Variants in RPH3AL observed in about 807,000 individuals in gnomAD.
RPH3AL encodes the protein rabphilin 3A like (without C2 domains), also known as rab effector Noc2.
A neutral mutation model predicts 43.1 loss-of-function variants in RPH3AL; 38 were observed. The observed-to-expected ratio is 0.88, with a 90% confidence interval of 0.68 to 1.15. The LOEUF (loss-of-function observed/expected upper bound fraction) is 1.15. Among genes scored for constraint, RPH3AL ranks in the 50% most tolerant of loss-of-function variants. The pLI is 0.00. For synonymous variants in RPH3AL, 189 were observed against 176.3 expected, an observed-to-expected ratio of 1.07 and a Z score of -0.57; for missense variants, 462 against 423.2, an observed-to-expected ratio of 1.09 and a Z score of -0.81.
chr17:348,686 C>T (rs2045294279), intron 1 of RPH3AL, among the ~76,000 whole-genome samples: 1 of 152,144 alleles, frequency 6.6e-6, no homozygotes, highest in African/African-American at 2.4e-5. Context: ...TTATACCCTC[C>T]CGAATGCTTT....
chr17:276,463 C>G (rs917422622), intron 6 of RPH3AL, among the ~76,000 whole-genome samples: 2 of 152,212 alleles, frequency 1.3e-5, no homozygotes, highest in Non-Finnish European at 2.9e-5. Flanking sequence ...ACGATCTCAG[C>G]CCACTGCCAC....
chr17:325,747 G>C (rs1265236351), intron 3 of RPH3AL, among the ~76,000 whole-genome samples: 1 of 152,206 alleles, frequency 6.6e-6, no homozygotes, highest in African/African-American at 2.4e-5. Flanking sequence ...CTGCTGTGCA[G>C]TCAGTGCCTG....
Position 215,741 on chromosome 17 carries a change from G to C in RPH3AL, c.789C>G (p.Cys263Trp). 6.1e-6 allele frequency: 8 copies of C among 1,307,704 alleles called. No individual in the cohort carries two copies. Among genetic ancestry groups the C allele is most frequent in the Non-Finnish European group, 6.8e-6 (7 of 1,024,946 alleles). 81.0% of individuals were successfully genotyped at this position (1,307,704 alleles called of 1,614,324 possible). Residue 263 changes from cysteine to tryptophan, a missense_variant, in exon 9 of 10, where the codon TGC (cysteine) becomes TGG (tryptophan). Physicochemically the swap from Cys to Trp is radical, Grantham distance 215 (BLOSUM62 -2). Coordinates refer to ENST00000331302, the MANE Select transcript of RPH3AL (RefSeq NM_006987.4). This position sits in a 1 kb window ranked among gnomAD's most constrained non-coding sequence, Gnocchi z 4.1. ...TCTCACCACTGGCCAGGCTGCTCTGGCACCCAGAGAGGTGGCCCGGCGGGT... is the reference window on the plus strand; with the variant it reads ...TCTCACCACTGGCCAGGCTGCTCTGCCACCCAGAGAGGTGGCCCGGCGGGT... The part of the protein sequence containing the change: ...FTHPPGHLSG[C>W]QSSLASGETG...
chr17:310,389 C>CGT (rs2043614053), intron 5 of RPH3AL, among the ~76,000 whole-genome samples: 1 of 152,172 alleles, frequency 6.6e-6, no homozygotes, highest in African/African-American at 2.4e-5. Flanking sequence ...GCTGGGGGCG[C>CGT]GTGTGTGTGC....
chr17:259,526 G>T (rs1555545600), intron 6 of RPH3AL, among the ~76,000 whole-genome samples: 1 of 152,142 alleles, frequency 6.6e-6, no homozygotes, highest in Non-Finnish European at 1.5e-5. Flanking sequence ...AATAGTGGCA[G>T]GAAAAGCCCT....
At chr17:242,572 C>A (rs201609020) in intron 7 of RPH3AL, among the ~76,000 whole-genome samples, 2 of 45,262 alleles carry the variant, frequency 4.4e-5, no homozygotes, top group Non-Finnish European at 8.4e-5. Flanking sequence ...CCTCTATTGA[C>A]TACCTTCCTC....
intron 7 of RPH3AL, among the ~76,000 whole-genome samples, chr17:241,476 G>A (rs2151530263): frequency 6.6e-6 from 1 of 152,298 alleles, no homozygotes; most frequent in South Asian, 2.1e-4. Context: ...ACTATATTGT[G>A]AGATTTTACT....
chr17:249,908 C>G (rs963949443), intron 6 of RPH3AL, among the ~76,000 whole-genome samples: 3 of 149,546 alleles, frequency 2.0e-5, no homozygotes, highest in Non-Finnish European at 3.0e-5. Context: ...TGTGGGACCT[C>G]TCAGAGCCTT....
rs545757269 is a variant in RPH3AL, at chr17:274,221, C to T, written c.438+7547G>A. The stretch of plus-strand genomic sequence containing the variant: ...CCATGAAAGCACGTGGAAAAGGCAC[C>T]GCGAAACCCCAGCCCGGGGCCTCTG... On this transcript the variant is annotated intron_variant, in intron 6 of 9. Transcript: ENST00000331302. The surrounding 1 kb of genome is among the most constrained non-coding windows in gnomAD (Gnocchi z 4.7). Among the ~76,000 whole-genome samples the T allele has an allele frequency of 3.9e-5, 6 of 152,340 alleles. No individual in the cohort carries two copies. Among genetic ancestry groups the T allele is most frequent in the African/African-American group, 1.4e-4 (6 of 41,586 alleles).
At chr17:269,137 T>C (rs540193899) in intron 6 of RPH3AL, among the ~76,000 whole-genome samples, 55 of 152,250 alleles carry the variant, frequency 3.6e-4, no homozygotes, top group East Asian at 1.2e-3. Flanking sequence ...CTTGGCTTCC[T>C]AAAGTGCTGG....
chr17:223,290 G>T (rs1332274388), intron 7 of RPH3AL, among the ~76,000 whole-genome samples: 1 of 152,022 alleles, frequency 6.6e-6, no homozygotes, highest in African/African-American at 2.4e-5. Context: ...ATTTAATTAA[G>T]TGATATCATT....
At chr17:222,226 A>G (rs1289116094) in intron 7 of RPH3AL, among the ~76,000 whole-genome samples, 1 of 152,270 alleles carries the variant, frequency 6.6e-6, no homozygotes, top group Non-Finnish European at 1.5e-5. Flanking sequence ...GAGGTAGGAA[A>G]CAGCATTACC....
rs373685963 is a variant in RPH3AL, at chr17:260,537, C to T, written c.439-13252G>A. Among the ~76,000 whole-genome samples the T allele has an allele frequency of 6.6e-4, 101 of 152,332 alleles. No homozygotes were observed. The South Asian group carries it at 0.02, about 31-fold the overall frequency. On this transcript the variant is annotated intron_variant, in intron 6 of 9. Coordinates refer to ENST00000331302, the MANE Select transcript of RPH3AL (RefSeq NM_006987.4). ...CCTCGCCTTCAAGGGAGACTGCGTT[C>T]TGTCTGCCTAACAAGCTCCAGACTG...
intron 9 of RPH3AL, chr17:214,612 A>G (rs550232079): frequency 6.6e-6 from 1 of 152,392 alleles, no homozygotes; most frequent in Admixed American, 6.5e-5. Context: ...TGAAAAATAC[A>G]AAAAATAATT....
rs181366110 is a variant in RPH3AL, at chr17:320,283, G to A, written c.222-734C>T. On this transcript the variant is annotated intron_variant, in intron 4 of 9. Coordinates refer to ENST00000331302, the MANE Select transcript of RPH3AL (RefSeq NM_006987.4). ...TTCCATGGGACCAGCGAAGGCTCTC[G>A]GAGAACACGTGGACTCACAGCTGAA... Among the ~76,000 whole-genome samples, 28 of 150,252 alleles carry A rather than the reference G, an allele frequency of 1.9e-4. No individual in the cohort carries two copies. The East Asian group carries it at 3.3e-3, about 18-fold the overall frequency.
intron 7 of RPH3AL, among the ~76,000 whole-genome samples, chr17:241,721 C>CCT (rs2041540592): frequency 7.5e-6 from 1 of 134,010 alleles, no homozygotes; most frequent in African/African-American, 2.8e-5. Flanking sequence ...CTTTTTTTTT[C>CCT]TTTTTTTTTT....
intron 6 of RPH3AL, among the ~76,000 whole-genome samples, chr17:260,004 C>G (rs1409361857): frequency 6.6e-6 from 1 of 152,166 alleles, no homozygotes; most frequent in Non-Finnish European, 1.5e-5. Context: ...GACAGGGGAG[C>G]CTGAAGACCC....
At chr17:294,701 G>A (rs2043130946) in intron 5 of RPH3AL, among the ~76,000 whole-genome samples, 1 of 61,586 alleles carries the variant, frequency 1.6e-5, no homozygotes, top group African/African-American at 6.2e-5. Context: ...GACGGGCAGA[G>A]GGAATGCACA....
rs2041774015 is a variant in RPH3AL at position 246,737 on chromosome 17, G to C, written c.613+374C>G. ...CGAGACACAAGGCAAGTGCCAGGAAGAGATGGTGAGGGCCTGCCTGGGAAA... is the reference window on the plus strand; with the variant it reads ...CGAGACACAAGGCAAGTGCCAGGAACAGATGGTGAGGGCCTGCCTGGGAAA... On this transcript the variant is annotated intron_variant, in intron 7 of 9. Transcript: ENST00000331302. This position sits in a 1 kb window ranked among gnomAD's most constrained non-coding sequence, Gnocchi z 4.8. Among the ~76,000 whole-genome samples the C allele has an allele frequency of 6.6e-6, 1 of 152,194 alleles. No homozygotes were observed. The highest frequency in any genetic ancestry group is 2.1e-4 in the South Asian group (1 of 4,832).
Sources: gnomAD v4.1 joint callset for allele counts (sites outside exome capture counted in the v4.1 genomes callset) on GRCh38, gnomAD v4.1.1 for gene constraint, Gnocchi (gnomAD v3.1) non-coding constraint, MANE v1.5 for transcripts, NCBI Gene and HGNC (gene_info 2026-07-23, HGNC 2026-07-21) for gene names.